Variants in ADGRD2 observed in about 807,000 individuals in gnomAD.
ADGRD2 encodes G protein-coupled receptor PGR24.
ADGRD2 carries 71 observed loss-of-function variants against 44.4 expected under a neutral mutation model. That is an observed-to-expected ratio of 1.60 (90% CI 1.32 to 1.95). The LOEUF is 1.95. ADGRD2 is among the 30% of genes most tolerant of loss of function. The pLI is 0.00. For synonymous variants in ADGRD2, 481 were observed against 224.8 expected, an observed-to-expected ratio of 2.14 and a Z score of -10.19; for missense variants, 1,039 against 512.4, an observed-to-expected ratio of 2.03 and a Z score of -9.92.
chr9:124,452,003 C>A, upstream of ADGRD2: 2 of 331,834 alleles, frequency 6.0e-6, no homozygotes, highest in Non-Finnish European at 6.0e-6. Flanking sequence ...GAATGCCCCC[C>A]TCCCACCCAC....
intron 16 of ADGRD2, 109 bp from the exon 20 acceptor site, chr9:124,470,385 C>T: frequency 1.6e-6 from 1 of 616,326 alleles, no homozygotes; most frequent in East Asian, 2.8e-5. Context: ...GGTCCCGGCC[C>T]TCAGCTCCCA....
chr9:124,469,501 T>C, exon 16 of ADGRD2: 1 of 718,088 alleles, frequency 1.4e-6, no homozygotes, highest in Non-Finnish European at 2.6e-6. Flanking sequence ...TGCCCGCATG[T>C]TGAGCCCACA....
At chr9:124,455,022 G>C (rs1217251538) in exon 6 of ADGRD2, 1 of 718,252 alleles carries the variant, frequency 1.4e-6, no homozygotes, top group Non-Finnish European at 2.6e-6. Flanking sequence ...GGGACCCAGA[G>C]CTGTTGTTGA....
rs867475693 is a variant in ADGRD2, at chr9:124,469,847, G to A, written c.2637+300G>A. Among the ~76,000 whole-genome samples, 21 of 152,222 alleles carry A rather than the reference G, an allele frequency of 1.4e-4. 1 individual carries two copies. Among genetic ancestry groups the A allele is most frequent in the African/African-American group, 3.6e-4 (15 of 41,456 alleles). The stretch of plus-strand genomic sequence containing the variant: ...ACTGTTCAAGGAGTGCACTGTCTGC[G>A]GCAGGTACTGATAGCCTGCAGGAGA... On this transcript the variant is annotated intron_variant, in intron 16 of 21. Transcript: ENST00000334810.
chr9:124,467,911 C>A, intron 12 of ADGRD2, 87 bp downstream of exon 15: 1 of 707,998 alleles, frequency 1.4e-6, no homozygotes, highest in Non-Finnish European at 2.6e-6. Context: ...GGGTGTCCAT[C>A]CTTGGTCCCA....
At chr9:124,477,039 T>C in intron 21 of ADGRD2, 4 of 591,574 alleles carry the variant, frequency 6.8e-6, no homozygotes, top group Admixed American at 2.2e-5. Context: ...TTCTCTGTCC[T>C]CCCCCTCTTT....
chr9:124,451,475 G>T, upstream of ADGRD2: 2 of 348,806 alleles, frequency 5.7e-6, no homozygotes, highest in South Asian at 4.4e-5. Context: ...CCCATCCTGG[G>T]CTTCCAGCCC....
At chr9:124,453,387 GCGCGCT>G in exon 3 of ADGRD2, 1 of 570,576 alleles carries the variant, frequency 1.8e-6, no homozygotes, top group East Asian at 3.4e-5. Context: ...ATGGGAGGCG[GCGCGCT>G]GGGGCGCGGG....
chr9:124,468,192 T>C lies in ADGRD2; in HGVS notation c.2233+2T>C. The C allele has an allele frequency of 1.4e-6, 1 of 718,072 alleles. No homozygotes were observed. The highest frequency in any genetic ancestry group is 2.6e-6 in the Non-Finnish European group (1 of 385,060). The allele number at this position is 718,072 out of a possible 1,614,324, so 44.5% of individuals were successfully genotyped here. On this transcript the variant is annotated splice_donor_variant, in intron 13 of 21. Coordinates refer to ENST00000334810, the Ensembl canonical transcript of ADGRD2. LOFTEE classifies it high-confidence loss of function. ...AGCGAGTGGGCCAAGGCCAATGAGG[T>C]GGGCAGCCAGTGGGTGGGCTGGAAG...
At chr9:124,462,350 C>T (rs1338853007) in intron 10 of ADGRD2, among the ~76,000 whole-genome samples, 1 of 152,108 alleles carries the variant, frequency 6.6e-6, no homozygotes, top group African/African-American at 2.4e-5. Context: ...ATTACAGGCA[C>T]GAGCTACCAC....
rs114623089 is a variant in ADGRD2, at chr9:124,454,996, G to C, written c.1264G>C (p.Val422Leu). 4.2e-6 allele frequency: 3 copies of C among 718,388 alleles called. No homozygotes were observed. Among genetic ancestry groups the C allele is most frequent in the Non-Finnish European group, 5.2e-6 (2 of 385,100 alleles). The allele number at this position is 718,388 out of a possible 1,614,324, so 44.5% of individuals were successfully genotyped here. ...TGTTGTCCGCTTCCTGAAGAGGGTG[G>C]TGGCCCTCGGGGCTGGGGACCCAGA... Residue 422 changes from valine (V) to leucine (L), a missense_variant, in exon 6 of 22, where the codon GTG becomes CTG. Coordinates refer to ENST00000334810, the Ensembl canonical transcript of ADGRD2. The surrounding 1 kb of genome is among the most constrained non-coding windows in gnomAD (Gnocchi z 4.5).
intron 17 of ADGRD2, among the ~76,000 whole-genome samples, chr9:124,473,078 C>T (rs182959705): frequency 6.6e-6 from 1 of 152,318 alleles, no homozygotes; most frequent in Non-Finnish European, 1.5e-5. Flanking sequence ...TTGGTCTCTC[C>T]CTGTCTCTCT....
At chr9:124,453,132 G>A (rs1203394483) in exon 3 of ADGRD2, 2 of 701,758 alleles carry the variant, frequency 2.8e-6, no homozygotes, top group South Asian at 3.0e-5. Flanking sequence ...CGCTGACCGC[G>A]TGTACTCACG....
At chr9:124,473,521 G>A (rs773561307) in intron 17 of ADGRD2, among the ~76,000 whole-genome samples, 9 of 152,222 alleles carry the variant, frequency 5.9e-5, no homozygotes, top group Non-Finnish European at 8.8e-5. Context: ...TCCCTGGCAC[G>A]TGCTAGGAGC....
chr9:124,468,408 A>G, intron 13 of ADGRD2, 111 bp from the exon 17 acceptor site: 1 of 701,616 alleles, frequency 1.4e-6, no homozygotes, highest in African/African-American at 1.7e-5. Flanking sequence ...CAGAGGCCTC[A>G]CCCACTGAGA....
chr9:124,460,384 A>ATTTT (rs1831706211), intron 10 of ADGRD2, among the ~76,000 whole-genome samples: 1 of 81,880 alleles, frequency 1.2e-5, no homozygotes, highest in East Asian at 2.8e-4. Context: ...GTATATATAT[A>ATTTT]TATATTTTTT....
chr9:124,453,233 C>T, exon 3 of ADGRD2: 1 of 584,426 alleles, frequency 1.7e-6, no homozygotes, highest in East Asian at 3.4e-5. Context: ...CGCGCCTTCG[C>T]CGAGCCGGGG....
At chr9:124,475,348 C>G in intron 17 of ADGRD2, 98 bp from the exon 21 acceptor site, 1 of 650,026 alleles carries the variant, frequency 1.5e-6, no homozygotes. Context: ...CTGCAAGTGT[C>G]TCTGCCACTG....
chr9:124,450,876 C>T (rs933211761), upstream of ADGRD2, among the ~76,000 whole-genome samples: 2 of 152,200 alleles, frequency 1.3e-5, no homozygotes, highest in Non-Finnish European at 2.9e-5. Flanking sequence ...GTCAGGACAC[C>T]GTGTTTTCTC....
Sources: allele counts gnomAD v4.1 joint callset (sites outside exome capture counted in the v4.1 genomes callset), GRCh38; gene constraint gnomAD v4.1.1; non-coding constraint Gnocchi (gnomAD v3.1); transcripts MANE v1.5; gene names NCBI Gene and HGNC (gene_info 2026-07-23, HGNC 2026-07-21).